The following NBAS variants were observed in gnomAD, a reference collection of about 807,000 sequenced individuals.
The protein encoded by NBAS is NBAS subunit of NRZ tethering complex.
NBAS carries 219 observed loss-of-function variants against 302.5 expected under a neutral mutation model. The observed-to-expected ratio is 0.72, with a 90% CI of 0.65 to 0.81. The LOEUF (loss-of-function observed/expected upper bound fraction) is 0.81, where lower values mean the gene tolerates loss of function less well. Among genes scored for constraint, NBAS ranks in the 30% least tolerant of loss-of-function variants. NBAS has a pLI of 0.00. For missense variants in NBAS, 2,932 were observed against 2,841.6 expected (o/e 1.03, Z -0.72); for synonymous variants, 1,118 against 1,021.6 (o/e 1.09, Z -1.80).
At position 15,293,411 on chromosome 2, in the gene NBAS, T is replaced by A. The variant is rs534527944; in HGVS notation, c.4798-645A>T. Among the ~76,000 whole-genome samples the A allele has an allele frequency of 4.2e-3, 639 of 152,234 alleles. 7 individuals are homozygous for A. Among genetic ancestry groups the A allele is most frequent in the African/African-American group, 0.014 (578 of 41,540 alleles). ...CTACGATTCTTAGCAGCTTCTCTAA[T>A]AACAAGAAACTCATTCAAATAGAAC... is the stretch of plus-strand genomic sequence containing the variant. On this transcript the variant is annotated intron_variant, in intron 40 of 51. Transcript: ENST00000281513.
chr2:15,223,518 T>C (rs1667036680), intron 47 of NBAS, among the ~76,000 whole-genome samples: 1 of 152,158 alleles, frequency 6.6e-6, no homozygotes, highest in African/African-American at 2.4e-5. Context: ...AAGAACATCA[T>C]TATTTCAAAA....
chr2:15,478,153 A>G, intron 13 of NBAS, 73 bp downstream of exon 13: 5 of 1,078,872 alleles, frequency 4.6e-6, no homozygotes, highest in Non-Finnish European at 7.0e-6. Flanking sequence ...GACTTTTTAT[A>G]TCATCCAAAG....
intron 21 of NBAS, 60 bp from the exon 22 acceptor site, chr2:15,427,854 CA>C: frequency 7.6e-7 from 1 of 1,313,304 alleles, no homozygotes; most frequent in Non-Finnish European, 1.1e-6. Flanking sequence ...CTTAGCCACA[CA>C]AGGAGTAAAA....
At chr2:15,037,304 C>A in the NBAS span, among the ~76,000 whole-genome samples, 1 of 152,142 alleles carries the variant, frequency 6.6e-6, no homozygotes, top group Non-Finnish European at 1.5e-5. Flanking sequence ...CGACTTCTAA[C>A]TTCCATGGGA....
At chr2:14,917,696 T>G in the NBAS span, among the ~76,000 whole-genome samples, 2 of 152,198 alleles carry the variant, frequency 1.3e-5, no homozygotes, top group African/African-American at 4.8e-5. Context: ...CCCATTCACA[T>G]GCCCTGAGGC....
the NBAS span, among the ~76,000 whole-genome samples, chr2:14,923,013 G>C: frequency 6.6e-6 from 1 of 152,088 alleles, no homozygotes; most frequent in Admixed American, 6.5e-5. Context: ...TTAGCCGGGC[G>C]CCATGGCAGG....
the NBAS span, among the ~76,000 whole-genome samples, chr2:15,100,666 T>C: frequency 6.6e-6 from 1 of 152,176 alleles, no homozygotes; most frequent in Non-Finnish European, 1.5e-5. Flanking sequence ...GTCCTCAGCA[T>C]TGAGCCACAA....
the NBAS span, among the ~76,000 whole-genome samples, chr2:15,023,100 G>A: frequency 6.6e-6 from 1 of 151,798 alleles, no homozygotes; most frequent in Non-Finnish European, 1.5e-5. Context: ...ATATATATGT[G>A]CATATACATA....
At position 15,474,070 on chromosome 2, in the gene NBAS, C is replaced by T; in HGVS notation, c.1596G>A (p.Arg532=). Reference sequence around the variant, plus strand: ...TAGTAATATGCTACTCTCTCACCTTCCTCTGATAAAGTTCCTCTGGTGTCG... The same window carrying T: ...TAGTAATATGCTACTCTCTCACCTTTCTCTGATAAAGTTCCTCTGGTGTCG... ...RSTTPEELYQ[R]KIESEEYEEA... The change falls in exon 15 of 52, where the codon AGG becomes AGA. Residue 532 remains arginine (R), a synonymous_variant. Coordinates refer to ENST00000281513, the MANE Select transcript of NBAS (RefSeq NM_015909.4). 1.9e-6 allele frequency: 3 copies of T among 1,614,198 alleles called. No individual in the cohort carries two copies. The highest frequency in any genetic ancestry group is 1.7e-6 in the Non-Finnish European group (2 of 1,180,036).
the NBAS span, among the ~76,000 whole-genome samples, chr2:15,038,095 A>G: frequency 6.9e-6 from 1 of 145,970 alleles, no homozygotes; most frequent in Non-Finnish European, 1.5e-5. Context: ...ATATATATAT[A>G]TGTCACTGAC....
At chr2:14,892,019 T>C in the NBAS span, among the ~76,000 whole-genome samples, 1 of 152,228 alleles carries the variant, frequency 6.6e-6, no homozygotes, top group East Asian at 1.9e-4. Flanking sequence ...TTTTATAACA[T>C]GCGACTGACT....
intron 11 of NBAS, among the ~76,000 whole-genome samples, chr2:15,492,878 G>A (rs1044299713): frequency 3.3e-5 from 5 of 152,140 alleles, no homozygotes; most frequent in African/African-American, 1.2e-4. Context: ...GAAAATCCAC[G>A]CTAAATTCTA....
chr2:15,499,918 G>A (rs891720835), intron 11 of NBAS, among the ~76,000 whole-genome samples: 11 of 150,724 alleles, frequency 7.3e-5, no homozygotes, highest in African/African-American at 2.7e-4. Flanking sequence ...CGGCTTGATA[G>A]CAAAGAGTAT....
chr2:15,143,309 G>C, the NBAS span, among the ~76,000 whole-genome samples: 1 of 152,304 alleles, frequency 6.6e-6, no homozygotes, highest in South Asian at 2.1e-4. Context: ...CGCGTCTGCA[G>C]AGCTGAGATC....
chr2:15,067,423 GGGAGAGGAGGGGAGAGGAGGGGAGA>G, the NBAS span, among the ~76,000 whole-genome samples: 1 of 31,542 alleles, frequency 3.2e-5, no homozygotes, highest in Non-Finnish European at 7.1e-5. Context: ...GGGAGAGGAG[GGGAGAGGAGGGGAGAGGAGGGGAGA>G]GGAGGGGAGA....
chr2:15,196,974 CAA>C (rs1665653708), intron 48 of NBAS, among the ~76,000 whole-genome samples: 1 of 152,002 alleles, frequency 6.6e-6, no homozygotes, highest in African/African-American at 2.4e-5. Context: ...AAAAAGAAAA[CAA>C]AGATACAACA....
At chr2:14,992,613 T>C in the NBAS span, among the ~76,000 whole-genome samples, 1 of 152,214 alleles carries the variant, frequency 6.6e-6, no homozygotes, top group Non-Finnish European at 1.5e-5. Flanking sequence ...GTGTCCAGGC[T>C]TGTGTGGAGT....
At chr2:15,184,257 G>A (rs1480705615) in intron 50 of NBAS, among the ~76,000 whole-genome samples, 1 of 152,142 alleles carries the variant, frequency 6.6e-6, no homozygotes, top group Non-Finnish European at 1.5e-5. Flanking sequence ...TTTTGTGGAT[G>A]AAAATTATTC....
the NBAS span, among the ~76,000 whole-genome samples, chr2:14,901,021 G>A: frequency 6.6e-6 from 1 of 152,128 alleles, no homozygotes; most frequent in South Asian, 2.1e-4. Context: ...ACAGCCTTGG[G>A]GTCTATCTTA....
Sources: gnomAD v4.1 joint callset for allele counts (sites outside exome capture counted in the v4.1 genomes callset) on GRCh38, gnomAD v4.1.1 for gene constraint, MANE v1.5 for transcripts, NCBI Gene and HGNC (gene_info 2026-07-23, HGNC 2026-07-21) for gene names.